The following GRM1 variants were observed in gnomAD, a reference collection of about 807,000 sequenced individuals.
GRM1 encodes glutamate metabotropic receptor 1.
A neutral mutation model predicts 90.9 loss-of-function variants in GRM1; 33 were observed. That is an observed-to-expected ratio of 0.36 (90% CI 0.28 to 0.49). The LOEUF (loss-of-function observed/expected upper bound fraction) is 0.49, where lower values mean the gene tolerates loss of function less well. Among genes scored for constraint, GRM1 ranks in the 20% least tolerant of loss-of-function variants. The pLI is 0.99. For missense variants in GRM1, 1,190 were observed against 1,534.3 expected (o/e 0.78, Z 3.75); for synonymous variants, 700 against 613.2 (o/e 1.14, Z -2.09).
chr6:146,200,617 T>C (rs1779268369), intron 2 of GRM1, among the ~76,000 whole-genome samples: 1 of 152,156 alleles, frequency 6.6e-6, no homozygotes, highest in South Asian at 2.1e-4. Flanking sequence ...TGTGTTCTTG[T>C]ATTACTTCTG....
At chr6:146,150,247 A>G (rs1366270954) in intron 1 of GRM1, among the ~76,000 whole-genome samples, 1 of 152,208 alleles carries the variant, frequency 6.6e-6, no homozygotes, top group Non-Finnish European at 1.5e-5. Context: ...CTGAGAATAA[A>G]GAGGAAACAA....
chr6:146,192,697 T>C (rs1422457770), intron 2 of GRM1, among the ~76,000 whole-genome samples: 1 of 152,218 alleles, frequency 6.6e-6, no homozygotes, highest in Non-Finnish European at 1.5e-5. Context: ...AATTAGTGGG[T>C]TATGAAGTCA....
chr6:146,116,854 T>C (rs1260917955), intron 1 of GRM1, among the ~76,000 whole-genome samples: 3 of 152,030 alleles, frequency 2.0e-5, no homozygotes, highest in Non-Finnish European at 4.4e-5. Context: ...TTTTGTACCA[T>C]ATAGAATTTC....
chr6:146,418,902 T>G (rs571407543), intron 7 of GRM1, among the ~76,000 whole-genome samples: 15 of 152,266 alleles, frequency 9.9e-5, no homozygotes, highest in African/African-American at 3.6e-4. Context: ...AATTCTATGG[T>G]TTTCTTAATT....
chr6:146,414,086 G>T (rs141241679), intron 7 of GRM1, among the ~76,000 whole-genome samples: 76 of 152,260 alleles, frequency 5.0e-4, no homozygotes, highest in African/African-American at 1.8e-3. Context: ...ATTGCTGCAT[G>T]ATAAGGCAGG....
chr6:146,335,378 C>A (rs951438889), intron 3 of GRM1, among the ~76,000 whole-genome samples: 1 of 152,134 alleles, frequency 6.6e-6, no homozygotes. Context: ...TAAGGGTCAA[C>A]GAAGTGACAC....
At chr6:146,325,773 C>T (rs1231873594) in intron 3 of GRM1, among the ~76,000 whole-genome samples, 2 of 152,160 alleles carry the variant, frequency 1.3e-5, no homozygotes, top group Admixed American at 1.3e-4. Context: ...TTATATATCA[C>T]TGAAGCTGAA....
intron 1 of GRM1, among the ~76,000 whole-genome samples, chr6:146,119,942 A>G (rs950203829): frequency 6.6e-6 from 1 of 152,188 alleles, no homozygotes; most frequent in Non-Finnish European, 1.5e-5. Context: ...TTGGTTCCAT[A>G]TTAACTTTAA....
In GRM1 at chr6:146,195,028, T is replaced by G. The variant is rs573713561; in HGVS notation, c.950+35431T>G. 1.3e-4 allele frequency among the ~76,000 whole-genome samples: 20 copies of G among 152,346 alleles called. No homozygotes were observed. The South Asian group carries it at 4.1e-3, about 32-fold the overall frequency. ...TAAAAGAATGTCCAGAAGATTGTAA[T>G]CACTCCATAAATGTTACCCATTACT... is the stretch of plus-strand genomic sequence containing the variant. On this transcript the variant is annotated intron_variant, in intron 2 of 7. Transcript: ENST00000282753.
intron 7 of GRM1, among the ~76,000 whole-genome samples, chr6:146,413,393 T>C (rs576018427): frequency 6.6e-6 from 1 of 152,270 alleles, no homozygotes; most frequent in Non-Finnish European, 1.5e-5. Flanking sequence ...AATGTAATGC[T>C]CTCTTTTAAC....
intron 2 of GRM1, among the ~76,000 whole-genome samples, chr6:146,201,339 G>A (rs1359208160): frequency 6.6e-6 from 1 of 152,148 alleles, no homozygotes; most frequent in East Asian, 1.9e-4. Context: ...AATGTTCAAG[G>A]ATTCTGTTTC....
intron 3 of GRM1, among the ~76,000 whole-genome samples, chr6:146,331,396 A>G (rs1784583910): frequency 6.6e-6 from 1 of 152,192 alleles, no homozygotes; most frequent in Admixed American, 6.6e-5. Flanking sequence ...TACTAGCTAG[A>G]GAAAAAATGG....
In GRM1 at chr6:146,029,826, T is replaced by C. The variant is rs750173407; in HGVS notation, c.309T>C (p.Ser103=). ...PVLLPNITLG[S]EIRDSCWHSS... is the part of the protein sequence containing the mutation. The stretch of plus-strand genomic sequence containing the variant: ...TCCTGCCCAACATCACCCTGGGCAG[T>C]GAGATCCGGGACTCCTGCTGGCACT... The change falls in exon 1 of 8, where the codon AGT becomes AGC. Residue 103 remains serine (S), a synonymous_variant. Coordinates refer to ENST00000282753, the MANE Select transcript of GRM1 (RefSeq NM_001278064.2). 16 of 1,613,098 alleles carry C rather than the reference T, an allele frequency of 9.9e-6. No individual in the cohort carries two copies. The South Asian group carries it at 1.6e-4, about 17-fold the overall frequency.
chr6:146,241,809 A>G (rs999971052), intron 2 of GRM1, among the ~76,000 whole-genome samples: 4 of 152,162 alleles, frequency 2.6e-5, no homozygotes, highest in Non-Finnish European at 4.4e-5. Context: ...GAGATTTTAT[A>G]TAGTGGTTTT....
At chr6:146,163,905 T>C (rs1309502050) in intron 2 of GRM1, among the ~76,000 whole-genome samples, 9 of 152,188 alleles carry the variant, frequency 5.9e-5, no homozygotes, top group African/African-American at 1.7e-4. Context: ...CTTTTCCAGC[T>C]CATTTCTTTA....
intron 5 of GRM1, chr6:146,365,544 G>A (rs938480311): frequency 6.6e-6 from 1 of 152,204 alleles, no homozygotes; most frequent in Non-Finnish European, 1.5e-5. Flanking sequence ...TGGCAGTGAT[G>A]TAAGTGAGCC....
At chr6:146,235,174 G>C (rs182435304) in intron 2 of GRM1, among the ~76,000 whole-genome samples, 1 of 151,858 alleles carries the variant, frequency 6.6e-6, no homozygotes, top group Admixed American at 6.6e-5. Context: ...TTGTATTTTT[G>C]AAAAATATTT....
At chr6:146,178,741 A>C (rs1040681578) in intron 2 of GRM1, among the ~76,000 whole-genome samples, 9 of 152,154 alleles carry the variant, frequency 5.9e-5, no homozygotes, top group African/African-American at 2.2e-4. Flanking sequence ...TGTATTTTTT[A>C]AAATTTCTCA....
chr6:146,111,606 C>G (rs1168369993), intron 1 of GRM1, among the ~76,000 whole-genome samples: 1 of 152,134 alleles, frequency 6.6e-6, no homozygotes, highest in Non-Finnish European at 1.5e-5. Flanking sequence ...TAAAGCCAGC[C>G]TTGCAAAGAT....
Sources: allele counts gnomAD v4.1 joint callset (sites outside exome capture counted in the v4.1 genomes callset), GRCh38; gene constraint gnomAD v4.1.1; transcripts MANE v1.5; gene names NCBI Gene and HGNC (gene_info 2026-07-23, HGNC 2026-07-21).